The following DOCK8 variants were observed in gnomAD, a reference collection of about 807,000 sequenced individuals.
DOCK8 encodes the protein dedicator of cytokinesis protein 8.
DOCK8 carries 141 observed loss-of-function variants against 245.6 expected under a neutral mutation model. That is an observed-to-expected ratio of 0.57 (90% CI 0.50 to 0.66). DOCK8 has a LOEUF of 0.66. DOCK8 is among the 30% of genes least tolerant of loss of function. The probability of loss-of-function intolerance (pLI) is 0.00; values close to 1 mark genes in which losing one functional copy is unlikely to be tolerated. For missense variants in DOCK8, 2,965 were observed against 2,603.4 expected (o/e 1.14, Z -3.02); for synonymous variants, 1,168 against 970.2 (o/e 1.20, Z -3.79).
rs747997557 is a variant in DOCK8 at position 215,379 on chromosome 9, C to T, written c.53+350C>T. 6.3e-6 allele frequency: 10 copies of T among 1,586,842 alleles called. No individual in the cohort carries two copies. The Admixed American group carries it at 1.6e-4, about 26-fold the overall frequency. ...GGCGCCTGGGTAACCGTGTTGGGCGCGCCACGGAGTGTCTCATAAACGGCT... is the reference window on the plus strand; with the variant it reads ...GGCGCCTGGGTAACCGTGTTGGGCGTGCCACGGAGTGTCTCATAAACGGCT... On this transcript the variant is annotated intron_variant, in intron 1 of 47. Coordinates refer to ENST00000432829, the MANE Select transcript of DOCK8 (RefSeq NM_203447.4).
chr9:275,266 A>G (rs1586567610), intron 2 of DOCK8, among the ~76,000 whole-genome samples: 1 of 152,226 alleles, frequency 6.6e-6, no homozygotes, highest in South Asian at 2.1e-4. Context: ...GATGATGAAT[A>G]AAAGGTGACT....
chr9:377,171 C>A lies in DOCK8; in HGVS notation c.2400C>A (p.Phe800Leu). ...TGCACCTGGTGCTGGACAAGCTCTT[C>A]CAGCTGTCCGTGCAGCCCATGGTCA... ...LFLHLVLDKL[F>L]QLSVQPMVIA... Residue 800 changes from phenylalanine (F) to leucine (L), a missense_variant, in exon 20 of 48, where the codon TTC becomes TTA. Around this residue, in one of 3 missense-constraint regions of DOCK8, gnomAD observed 2,825 missense variants for 2,453.5 expected, o/e 1.15. Coordinates refer to ENST00000432829, the MANE Select transcript of DOCK8 (RefSeq NM_203447.4). 1 of 1,603,338 alleles carries A rather than the reference C, an allele frequency of 6.2e-7. No individual in the cohort carries two copies. The highest frequency in any genetic ancestry group is 8.5e-7 in the Non-Finnish European group (1 of 1,179,308).
intron 26 of DOCK8, among the ~76,000 whole-genome samples, chr9:403,935 T>TATATAC (rs2055267236): frequency 5.8e-5 from 5 of 85,494 alleles, no homozygotes; most frequent in African/African-American, 2.9e-4. Context: ...TATATGTGTA[T>TATATAC]ATATATATGT....
Position 328,039 on chromosome 9 carries a change from C to G in DOCK8, c.912C>G (p.His304Gln). Residue 304 changes from histidine (H) to glutamine (Q), a missense_variant, in exon 9 of 48, where the codon CAC becomes CAG. Physicochemically the swap from His to Gln is conservative, Grantham distance 24. Coordinates refer to ENST00000432829, the MANE Select transcript of DOCK8 (RefSeq NM_203447.4). Reference protein sequence around the residue: ...KERKKISENFHCDLNSDQFKG... With the variant: ...KERKKISENFQCDLNSDQFKG... ...ATTTACAGATCTCAGAAAATTTTCACTGTGACCTGAACTCTGACCAGTTCA... is the reference window on the plus strand; with the variant it reads ...ATTTACAGATCTCAGAAAATTTTCAGTGTGACCTGAACTCTGACCAGTTCA... 6.2e-7 allele frequency: 1 copy of G among 1,614,152 alleles called. No individual in the cohort carries two copies. The highest frequency in any genetic ancestry group is 8.5e-7 in the Non-Finnish European group (1 of 1,179,976).
chr9:284,821 C>T (rs956229576), intron 2 of DOCK8, among the ~76,000 whole-genome samples: 13 of 152,124 alleles, frequency 8.5e-5, no homozygotes, highest in African/African-American at 3.1e-4. Flanking sequence ...GGCTATTATC[C>T]TTTGCAAACT....
chr9:300,158 A>G (rs2049468281), intron 4 of DOCK8, among the ~76,000 whole-genome samples: 1 of 152,222 alleles, frequency 6.6e-6, no homozygotes, highest in Non-Finnish European at 1.5e-5. Context: ...AACACAATAA[A>G]ATCCAGGGAG....
At chr9:356,020 T>C (rs756483404) in intron 14 of DOCK8, among the ~76,000 whole-genome samples, 1 of 152,164 alleles carries the variant, frequency 6.6e-6, no homozygotes, top group African/African-American at 2.4e-5. Flanking sequence ...GGAAATAGGA[T>C]TCTAATAAAC....
intron 1 of DOCK8, among the ~76,000 whole-genome samples, chr9:255,452 G>A (rs1488822983): frequency 6.6e-6 from 1 of 152,132 alleles, no homozygotes; most frequent in African/African-American, 2.4e-5. Flanking sequence ...CAGATCACCT[G>A]AGGTCAGGAG....
At chr9:406,899 G>A in intron 27 of DOCK8, 31 bp from the exon 28 acceptor site, 1 of 1,613,944 alleles carries the variant, frequency 6.2e-7, no homozygotes, top group Middle Eastern at 1.6e-4. Flanking sequence ...AGTTCTTGTG[G>A]CTCATAAAAT....
At chr9:364,842 T>G (rs762222033) in intron 14 of DOCK8, among the ~76,000 whole-genome samples, 3 of 152,162 alleles carry the variant, frequency 2.0e-5, no homozygotes, top group Non-Finnish European at 4.4e-5. Context: ...TCTGTTAAGA[T>G]AATCATATGA....
intron 20 of DOCK8, 95 bp from the exon 21 acceptor site, chr9:379,676 G>T: frequency 7.3e-7 from 1 of 1,378,194 alleles, no homozygotes; most frequent in Middle Eastern, 1.8e-4. Context: ...ATTGGTCAGC[G>T]GTCAGGACTC....
intron 15 of DOCK8, chr9:368,527 TA>T (rs1336598705): frequency 1.9e-6 from 1 of 517,552 alleles, no homozygotes; most frequent in Non-Finnish European, 3.5e-6. Context: ...CACACAGTGT[TA>T]CACACTTACT....
In DOCK8 at chr9:251,560, C is replaced by T. The variant is rs116193279; in HGVS notation, c.54-20067C>T. 8.2e-3 allele frequency among the ~76,000 whole-genome samples: 1,245 copies of T among 152,232 alleles called. 12 individuals carry two copies. The highest frequency in any genetic ancestry group is 0.028 in the African/African-American group (1,178 of 41,530). On this transcript the variant is annotated intron_variant, in intron 1 of 47. Transcript: ENST00000432829. ...AAGGAAAATACCAGAAGTTTCACTCCGATAGCAGCTTTTTCTGAGATGCGC... is the reference window on the plus strand; with the variant it reads ...AAGGAAAATACCAGAAGTTTCACTCTGATAGCAGCTTTTTCTGAGATGCGC...
Position 464,220 on chromosome 9 carries a change from G to A in DOCK8, c.*1G>A. The A allele has an allele frequency of 6.2e-7, 1 of 1,613,442 alleles. No homozygotes were observed. On this transcript the variant is annotated 3_prime_UTR_variant, in exon 48 of 48. Coordinates refer to ENST00000432829, the MANE Select transcript of DOCK8 (RefSeq NM_203447.4). Reference sequence around the variant, plus strand: ...AACCCAGTTGTCACAGGGCAGCTAAGAAAAGCCATCTTCATTCGTGGAGAC... The same window carrying A: ...AACCCAGTTGTCACAGGGCAGCTAAAAAAAGCCATCTTCATTCGTGGAGAC...
intron 36 of DOCK8, among the ~76,000 whole-genome samples, chr9:431,565 G>A (rs1250662856): frequency 6.6e-6 from 1 of 152,156 alleles, no homozygotes; most frequent in Non-Finnish European, 1.5e-5. Flanking sequence ...CTGGAGTGCA[G>A]TGGCGAGATC....
intron 10 of DOCK8, among the ~76,000 whole-genome samples, 166 bp downstream of exon 10, chr9:332,644 A>G (rs1364514295): frequency 2.3e-5 from 3 of 129,188 alleles, no homozygotes; most frequent in Non-Finnish European, 1.6e-5. Flanking sequence ...GTCACCGATG[A>G]TGACTTTTTT....
intron 4 of DOCK8, among the ~76,000 whole-genome samples, chr9:290,080 T>C (rs1057435455): frequency 1.3e-5 from 2 of 152,192 alleles, no homozygotes. Context: ...TATTGCTGAA[T>C]AATCTTTCAT....
At chr9:221,040 G>A (rs947684555) in intron 1 of DOCK8, among the ~76,000 whole-genome samples, 12 of 152,112 alleles carry the variant, frequency 7.9e-5, no homozygotes, top group African/African-American at 2.9e-4. Context: ...TCTGGAGTTG[G>A]CACAGTAGTG....
At chr9:248,329 G>T (rs546195046) in intron 1 of DOCK8, among the ~76,000 whole-genome samples, 59 of 152,282 alleles carry the variant, frequency 3.9e-4, no homozygotes, top group African/African-American at 1.3e-3. Context: ...TCTTTATAAG[G>T]CCTGACTCAT....
Sources: allele counts gnomAD v4.1 joint callset (sites outside exome capture counted in the v4.1 genomes callset), GRCh38; gene constraint gnomAD v4.1.1; regional missense constraint gnomAD v4.1.1; transcripts MANE v1.5; gene names NCBI Gene and HGNC (gene_info 2026-07-23, HGNC 2026-07-21).